ADGRB3: variants seen among roughly 807,000 people sequenced by gnomAD.
The protein encoded by ADGRB3 is brain-specific angiogenesis inhibitor 3.
Under a neutral mutation model 193.4 loss-of-function variants are expected in ADGRB3, and 37 were observed. The observed-to-expected ratio is 0.19, with a 90% CI of 0.15 to 0.25. The LOEUF is 0.25. Among genes scored for constraint, ADGRB3 ranks in the 10% least tolerant of loss-of-function variants. ADGRB3 has a pLI of 1.00. For synonymous variants in ADGRB3, 690 were observed against 644.2 expected, an observed-to-expected ratio of 1.07 and a Z score of -1.08; for missense variants, 1,637 against 1,852.9, an observed-to-expected ratio of 0.88 and a Z score of 2.14.
chr6:68,978,358 A>G (rs1768810768), intron 10 of ADGRB3, among the ~76,000 whole-genome samples: 1 of 151,454 alleles, frequency 6.6e-6, no homozygotes, highest in South Asian at 2.1e-4. Flanking sequence ...GTAGATACAC[A>G]GATAGATGAT....
chr6:68,969,402 T>A lies in ADGRB3; in HGVS notation c.1526-5361T>A, dbSNP rs1049258228. Among the ~76,000 whole-genome samples the A allele has an allele frequency of 2.0e-5, 3 of 152,192 alleles. No homozygotes were observed. In the East Asian group the frequency reaches 5.8e-4, roughly 29 times the overall value. On this transcript the variant is annotated intron_variant, in intron 8 of 31. Coordinates refer to ENST00000370598, the MANE Select transcript of ADGRB3 (RefSeq NM_001704.3). Reference sequence around the variant, plus strand: ...TCAGGAAAATTAACTGTGTGGCTGCTGCATAGGAGAGTAAATATGAGCCGT... The same window carrying A: ...TCAGGAAAATTAACTGTGTGGCTGCAGCATAGGAGAGTAAATATGAGCCGT...
chr6:69,279,091 A>G lies in ADGRB3; in HGVS notation c.2814+39865A>G, dbSNP rs888081168. Among the ~76,000 whole-genome samples the G allele has an allele frequency of 8.2e-4, 103 of 126,220 alleles. 3 individuals carry two copies. Among genetic ancestry groups the G allele is most frequent in the Middle Eastern group, 3.8e-3 (1 of 262 alleles). The allele number at this position is 126,220 out of a possible 152,430, so 82.8% of individuals were successfully genotyped here. ...CATATGTATATATATATATATATAT[A>G]TATATATATATATATATATATATAT... On this transcript the variant is annotated intron_variant, in intron 20 of 31. Coordinates refer to ENST00000370598, the MANE Select transcript of ADGRB3 (RefSeq NM_001704.3).
At chr6:68,959,111 A>T (rs9454658) in intron 8 of ADGRB3, among the ~76,000 whole-genome samples, 42,689 of 151,818 alleles carry the variant, frequency 0.28, 6,369 homozygotes, top group Middle Eastern at 0.42. Context: ...ATCATCCCCA[A>T]ATTATTTTAT....
chr6:68,950,929 C>A (rs1291871335), intron 6 of ADGRB3, among the ~76,000 whole-genome samples: 3 of 152,076 alleles, frequency 2.0e-5, no homozygotes, highest in East Asian at 1.9e-4. Context: ...TCTTTAAAAT[C>A]TTTTCATACT....
intron 20 of ADGRB3, among the ~76,000 whole-genome samples, chr6:69,289,590 G>T (rs1220546877): frequency 6.6e-6 from 1 of 152,018 alleles, no homozygotes; most frequent in Non-Finnish European, 1.5e-5. Context: ...ATCCACACCT[G>T]CATGCCCATG....
chr6:69,271,278 A>G (rs1454095381), intron 20 of ADGRB3, among the ~76,000 whole-genome samples: 1 of 152,164 alleles, frequency 6.6e-6, no homozygotes, highest in East Asian at 1.9e-4. Flanking sequence ...GATATATATA[A>G]GATATTTTCA....
chr6:69,019,032 A>G (rs1770182369), intron 13 of ADGRB3, among the ~76,000 whole-genome samples: 2 of 152,016 alleles, frequency 1.3e-5, no homozygotes, highest in African/African-American at 2.4e-5. Context: ...TTTTCTGAAT[A>G]TGTTCCAGTA....
chr6:68,931,202 A>T (rs945156281), intron 4 of ADGRB3, among the ~76,000 whole-genome samples: 6 of 151,970 alleles, frequency 3.9e-5, no homozygotes, highest in Non-Finnish European at 7.4e-5. Flanking sequence ...GAAAGTGTTA[A>T]GTAAGGTGTA....
intron 3 of ADGRB3, among the ~76,000 whole-genome samples, chr6:68,690,858 C>T (rs1045458179): frequency 1.3e-5 from 2 of 151,970 alleles, no homozygotes; most frequent in African/African-American, 4.8e-5. Context: ...TGTTTATTTT[C>T]CCATTTATTT....
At chr6:68,870,272 C>T (rs1765420239) in intron 3 of ADGRB3, among the ~76,000 whole-genome samples, 1 of 152,144 alleles carries the variant, frequency 6.6e-6, no homozygotes, top group African/African-American at 2.4e-5. Flanking sequence ...TCTTAGAACT[C>T]ATCTGGTTGA....
intron 3 of ADGRB3, among the ~76,000 whole-genome samples, chr6:68,731,127 T>C (rs138745567): frequency 6.6e-6 from 1 of 151,706 alleles, no homozygotes; most frequent in Admixed American, 6.6e-5. Context: ...CTTTCAACTA[T>C]ATTATAGGTT....
At chr6:68,754,359 G>A (rs553657032) in intron 3 of ADGRB3, among the ~76,000 whole-genome samples, 1 of 152,084 alleles carries the variant, frequency 6.6e-6, no homozygotes, top group Middle Eastern at 3.4e-3. Context: ...TCAATAAAGG[G>A]GATCACCAAG....
At chr6:68,818,574 G>A (rs139879927) in intron 3 of ADGRB3, among the ~76,000 whole-genome samples, 272 of 152,178 alleles carry the variant, frequency 1.8e-3, no homozygotes, top group African/African-American at 6.2e-3. Context: ...GAAAAAAGGT[G>A]CTATTCTGGC....
At chr6:69,261,604 G>A (rs980215249) in intron 20 of ADGRB3, among the ~76,000 whole-genome samples, 2 of 151,846 alleles carry the variant, frequency 1.3e-5, no homozygotes, top group African/African-American at 2.4e-5. Flanking sequence ...AGTCCTAAAT[G>A]AATAAATGTA....
At chr6:68,739,563 T>C (rs117041580) in intron 3 of ADGRB3, among the ~76,000 whole-genome samples, 2,883 of 152,212 alleles carry the variant, frequency 0.019, 49 homozygotes, top group Non-Finnish European at 0.028. Context: ...AGGTAGGTGA[T>C]AGACATGATG....
rs181367030 is a variant in ADGRB3, at chr6:69,133,089, G to A, written c.2480+57051G>A. On this transcript the variant is annotated intron_variant, in intron 17 of 31. Transcript: ENST00000370598. ...CCTCCAGCTTTGTTCTTTTTTCTTAGCATTGTCTTAGCTATGCAGGCTCTT... is the reference window on the plus strand; with the variant it reads ...CCTCCAGCTTTGTTCTTTTTTCTTAACATTGTCTTAGCTATGCAGGCTCTT... 5.9e-5 allele frequency among the ~76,000 whole-genome samples: 9 copies of A among 152,132 alleles called. No homozygotes were observed. In the East Asian group the frequency reaches 1.7e-3, roughly 29 times the overall value.
intron 17 of ADGRB3, among the ~76,000 whole-genome samples, chr6:69,077,362 C>T (rs946366030): frequency 1.3e-5 from 2 of 149,128 alleles, no homozygotes; most frequent in South Asian, 4.2e-4. Flanking sequence ...GTTTTCGGCC[C>T]AAGAAACATG....
chr6:69,280,121 T>A (rs186537255), intron 20 of ADGRB3, among the ~76,000 whole-genome samples: 2 of 152,228 alleles, frequency 1.3e-5, no homozygotes, highest in East Asian at 3.9e-4. Flanking sequence ...TGCAAAAATA[T>A]ATGTTTCTGG....
At chr6:68,810,657 A>C (rs1305521137) in intron 3 of ADGRB3, among the ~76,000 whole-genome samples, 3 of 152,216 alleles carry the variant, frequency 2.0e-5, no homozygotes, top group Non-Finnish European at 4.4e-5. Context: ...GATAAGAAAA[A>C]TACAAAATAC....
Sources: allele counts gnomAD v4.1 joint callset (sites outside exome capture counted in the v4.1 genomes callset), GRCh38; gene constraint gnomAD v4.1.1; transcripts MANE v1.5; gene names NCBI Gene and HGNC (gene_info 2026-07-23, HGNC 2026-07-21).